The following TYK2 variants were observed in gnomAD, a reference collection of about 807,000 sequenced individuals.
TYK2 encodes non-receptor tyrosine-protein kinase TYK2.
Under a neutral mutation model 130.9 loss-of-function variants are expected in TYK2, and 65 were observed. The ratio of observed to expected loss-of-function variants is 0.50; its 90% CI spans 0.41 to 0.61. The LOEUF (loss-of-function observed/expected upper bound fraction) is 0.61, where lower values mean the gene tolerates loss of function less well. Ranked by LOEUF, TYK2 falls within the 20% of genes least tolerant of loss-of-function variation. The pLI is 0.00. For synonymous variants in TYK2, 647 were observed against 658.9 expected, an observed-to-expected ratio of 0.98 and a Z score of 0.28; for missense variants, 1,378 against 1,610.7, an observed-to-expected ratio of 0.86 and a Z score of 2.47.
chr19:10,352,583 G>T, intron 22 of TYK2, 32 bp from the exon 23 acceptor site: 1 of 1,079,686 alleles, frequency 9.3e-7, no homozygotes, highest in South Asian at 1.5e-5. Flanking sequence ...GGCCACGGGG[G>T]GCTGCACTGA....
At chr19:10,377,399 G>GTT in intron 3 of TYK2, among the ~76,000 whole-genome samples, 1 of 119,084 alleles carries the variant, frequency 8.4e-6, no homozygotes, top group Non-Finnish European at 1.8e-5. Context: ...TGGGTGGGTG[G>GTT]GTGGATGGAT....
intron 5 of TYK2, 35 bp from the exon 6 acceptor site, chr19:10,366,615 G>T (rs759719806): frequency 1.2e-6 from 2 of 1,612,640 alleles, no homozygotes; most frequent in Admixed American, 1.7e-5. Flanking sequence ...AGGGAGGTGT[G>T]AGAATGCGTT....
chr19:10,362,121 C>T lies in TYK2; in HGVS notation c.1730G>A (p.Ser577Asn). The change falls in exon 12 of 25, where the codon AGC becomes AAC. Residue 577 changes from serine (S) to asparagine (N), a missense_variant. Ser to Asn is a conservative substitution (Grantham distance 46). Transcript: ENST00000525621. ...ARASPRTLNL[S>N]QLSFHRVDQK... ...GTCAACCCGGTGGAAGCTGAGCTGG[C>T]TGAGGTTGAGTGTCCTGGGGCTGGC... 6.2e-7 allele frequency: 1 copy of T among 1,614,090 alleles called. No individual in the cohort carries two copies. Among genetic ancestry groups the T allele is most frequent in the South Asian group, 1.1e-5 (1 of 91,088 alleles).
Position 10,353,937 on chromosome 19 carries a change from T to G in TYK2, c.2908+105A>C. On this transcript the variant is annotated intron_variant, in intron 20 of 24. Transcript: ENST00000525621. This position sits in a 1 kb window ranked among gnomAD's most constrained non-coding sequence, Gnocchi z 6.9. ...AGAACCGCGTACTGCAGCCTGGGGT[T>G]GAGAGTCTCTAATTGGCTAGGCCAG... The G allele has an allele frequency of 1.6e-6, 2 of 1,236,482 alleles. No homozygotes were observed. The highest frequency in any genetic ancestry group is 2.3e-6 in the Non-Finnish European group (2 of 856,924). The allele number at this position is 1,236,482 out of a possible 1,614,324, so 76.6% of individuals were successfully genotyped here.
At chr19:10,358,641 A>C (rs967254565) in intron 15 of TYK2, among the ~76,000 whole-genome samples, 1 of 151,990 alleles carries the variant, frequency 6.6e-6, no homozygotes, top group Non-Finnish European at 1.5e-5. Context: ...TTTTTAGTAG[A>C]GGCAAGGTTT....
In TYK2 at chr19:10,368,394, A is replaced by G; in HGVS notation, c.218T>C (p.Leu73Pro). 1 of 1,614,108 alleles carries G rather than the reference A, an allele frequency of 6.2e-7. No homozygotes were observed. Among genetic ancestry groups the G allele is most frequent in the Non-Finnish European group, 8.5e-7 (1 of 1,180,012 alleles). Residue 73 changes from leucine (L) to proline (P), a missense_variant, in exon 4 of 25, where the codon CTC (leucine) becomes CCC (proline). Leu to Pro is a moderately conservative substitution (Grantham distance 98). Transcript: ENST00000525621. ...KVGITPPCFN[L>P]FALFDAQAQV... ...GGCCTGAGCATCGAAGAGGGCAAAGAGATTGAAGCAAGGAGGAGTGATACC... is the reference window on the plus strand; with the variant it reads ...GGCCTGAGCATCGAAGAGGGCAAAGGGATTGAAGCAAGGAGGAGTGATACC...
chr19:10,376,075 C>T (rs2042112011), intron 3 of TYK2, among the ~76,000 whole-genome samples: 1 of 149,290 alleles, frequency 6.7e-6, no homozygotes, highest in Non-Finnish European at 1.5e-5. Context: ...TACAATGGCA[C>T]GATCTCAGCT....
chr19:10,366,293 A>G, intron 6 of TYK2, 124 bp downstream of exon 6: 2 of 1,003,238 alleles, frequency 2.0e-6, no homozygotes, highest in South Asian at 3.4e-5. Context: ...GGTGACAGAG[A>G]GAGACTCCGG....
At chr19:10,354,366 T>A in intron 19 of TYK2, 132 bp from the exon 20 acceptor site, 2 of 1,346,760 alleles carry the variant, frequency 1.5e-6, no homozygotes, top group Non-Finnish European at 1.0e-6. Context: ...TCCGCTCTAT[T>A]AAGACTCCTT....
At chr19:10,362,513 T>TCCAGCC (rs759012785) in intron 10 of TYK2, 36 bp downstream of exon 10, 51 of 1,559,352 alleles carry the variant, frequency 3.3e-5, no homozygotes, top group East Asian at 2.2e-4. Context: ...AGGGAACGTG[T>TCCAGCC]CCAGCCCCAG....
At chr19:10,373,988 C>T (rs889393551) in intron 3 of TYK2, among the ~76,000 whole-genome samples, 14 of 152,098 alleles carry the variant, frequency 9.2e-5, no homozygotes, top group Non-Finnish European at 1.5e-4. Context: ...GTCATGGGGG[C>T]GGGCACAGTG....
intron 3 of TYK2, among the ~76,000 whole-genome samples, chr19:10,371,574 TGCGGTGA>T (rs1321153774): frequency 6.6e-6 from 1 of 151,850 alleles, no homozygotes; most frequent in Non-Finnish European, 1.5e-5. Flanking sequence ...AGGTGGAGGT[TGCGGTGA>T]GCTGAGATCG....
chr19:10,352,402 A>T, intron 23 of TYK2, 32 bp downstream of exon 23: 1 of 1,437,500 alleles, frequency 7.0e-7, no homozygotes, highest in African/African-American at 1.4e-5. Flanking sequence ...GCTCTAGCAA[A>T]CTCCCGGTGG....
At chr19:10,357,046 G>C (rs2041136416) in intron 17 of TYK2, 2 of 439,896 alleles carry the variant, frequency 4.5e-6, no homozygotes, top group African/African-American at 4.0e-5. Flanking sequence ...ACTCTGCCTA[G>C]GCTGCCCTTC....
chr19:10,357,758 A>G lies in TYK2; in HGVS notation c.2466+6T>C. The stretch of plus-strand genomic sequence containing the variant: ...CGGGGAGGGCCCAAGGGTCTCCTAG[A>G]CATACCTCGGAGGGACTGCGGCTCT... On this transcript the variant is annotated splice_donor_region_variant and intron_variant, in intron 17 of 24. Transcript: ENST00000525621. 2 of 1,603,750 alleles carry G rather than the reference A, an allele frequency of 1.2e-6. No homozygotes were observed. Among genetic ancestry groups the G allele is most frequent in the South Asian group, 1.1e-5 (1 of 89,610 alleles).
At chr19:10,368,254 C>T in intron 4 of TYK2, 41 bp downstream of exon 4, 1 of 1,614,150 alleles carries the variant, frequency 6.2e-7, no homozygotes, top group Non-Finnish European at 8.5e-7. Context: ...AGACCAGCTT[C>T]AGCACAGGAG....
In TYK2 at chr19:10,362,453, G is replaced by C. The variant is rs1237503748; in HGVS notation, c.1480C>G (p.Pro494Ala). 6.3e-7 allele frequency: 1 copy of C among 1,599,012 alleles called. No individual in the cohort carries two copies. Among genetic ancestry groups the C allele is most frequent in the African/African-American group, 1.3e-5 (1 of 74,768 alleles). ...AGCCGCAAGCTCTGCATGCCGTCTG[G>C]TGCCTGGCAGGAGGTGGCAGAGGTG... ...ILTVAQRSQA[P>A]DGMQSLRLRK... The change falls in exon 11 of 25, where the codon CCA becomes GCA. Residue 494 changes from proline to alanine, a missense_variant. Coordinates refer to ENST00000525621, the MANE Select transcript of TYK2 (RefSeq NM_003331.5).
chr19:10,368,622 C>T (rs541119514), intron 3 of TYK2: 2 of 645,954 alleles, frequency 3.1e-6, no homozygotes, highest in East Asian at 6.3e-5. Context: ...ATTTCCCAGC[C>T]TCCCTTGCAG....
In TYK2 at chr19:10,353,543, G is replaced by C; in HGVS notation, c.3012C>G (p.Ala1004=). The C allele has an allele frequency of 6.7e-7, 1 of 1,499,374 alleles. No individual in the cohort carries two copies. The highest frequency in any genetic ancestry group is 1.4e-5 in the South Asian group (1 of 73,378). The allele number at this position is 1,499,374 out of a possible 1,614,324, so 92.9% of individuals were successfully genotyped here. Residue 1004 remains alanine (A), a synonymous_variant, in exon 21 of 25, where the codon GCC becomes GCG. Transcript: ENST00000525621. The surrounding 1 kb of genome is among the most constrained non-coding windows in gnomAD (Gnocchi z 6.9). ...SIGLAQLLLF[A]QQICEGMAYL... Reference sequence around the variant, plus strand: ...GCCGACCAACCTCGCAGATCTGCTGGGCGAAGAGCAGCAGCTGGGCCAGCC... The same window carrying C: ...GCCGACCAACCTCGCAGATCTGCTGCGCGAAGAGCAGCAGCTGGGCCAGCC...
Sources: gnomAD v4.1 joint callset for allele counts (sites outside exome capture counted in the v4.1 genomes callset) on GRCh38, gnomAD v4.1.1 for gene constraint, Gnocchi (gnomAD v3.1) non-coding constraint, MANE v1.5 for transcripts, NCBI Gene and HGNC (gene_info 2026-07-23, HGNC 2026-07-21) for gene names.